Variants in UBE2G1 observed in about 807,000 individuals in gnomAD.
The protein encoded by UBE2G1 is ubiquitin conjugating enzyme E2 G1.
A neutral mutation model predicts 22.7 loss-of-function variants in UBE2G1; 5 were observed. The ratio of observed to expected loss-of-function variants is 0.22; its 90% CI spans 0.12 to 0.46. The LOEUF is 0.46. UBE2G1 is among the 20% of genes least tolerant of loss of function. The pLI, the probability that UBE2G1 is intolerant of heterozygous loss-of-function variation, is 0.99. For missense variants in UBE2G1, 88 were observed against 203.9 expected, an observed-to-expected ratio of 0.43 and a Z score of 3.46; for synonymous variants, 74 against 67.5, an observed-to-expected ratio of 1.10 and a Z score of -0.47.
At chr17:4,326,582 G>A (rs1969505925) in intron 1 of UBE2G1, among the ~76,000 whole-genome samples, 1 of 152,140 alleles carries the variant, frequency 6.6e-6, no homozygotes, top group South Asian at 2.1e-4. Flanking sequence ...TTCACTTCTG[G>A]TTATATATGC....
intron 2 of UBE2G1, 119 bp downstream of exon 2, chr17:4,306,902 G>A: frequency 1.2e-5 from 9 of 779,062 alleles, no homozygotes; most frequent in Non-Finnish European, 2.0e-6. Flanking sequence ...GGCCCGCCTT[G>A]GCCTCCCAAA....
At position 4,366,375 on chromosome 17, in the gene UBE2G1, T is replaced by G; in HGVS notation, c.-59A>C. On this transcript the variant is annotated 5_prime_UTR_variant, in exon 1 of 6. Coordinates refer to ENST00000396981, the MANE Select transcript of UBE2G1 (RefSeq NM_003342.5). ...CTTCCGAAGGGCTGGGGACAGGCTCTGGGGGCGGCTGGAGCGGGGTGTGCC... is the reference window on the plus strand; with the variant it reads ...CTTCCGAAGGGCTGGGGACAGGCTCGGGGGGCGGCTGGAGCGGGGTGTGCC... 1 of 1,423,574 alleles carries G rather than the reference T, an allele frequency of 7.0e-7. No homozygotes were observed. The highest frequency in any genetic ancestry group is 9.2e-7 in the Non-Finnish European group (1 of 1,092,788). 88.2% of individuals were successfully genotyped at this position (1,423,574 alleles called of 1,614,324 possible).
At chr17:4,333,791 C>G (rs1391719127) in intron 1 of UBE2G1, among the ~76,000 whole-genome samples, 1 of 152,038 alleles carries the variant, frequency 6.6e-6, no homozygotes, top group Non-Finnish European at 1.5e-5. Context: ...TGCACTCCAG[C>G]CTGGGTGACA....
intron 1 of UBE2G1, among the ~76,000 whole-genome samples, chr17:4,314,945 C>CT (rs1369295686): frequency 6.6e-6 from 1 of 152,176 alleles, no homozygotes; most frequent in Non-Finnish European, 1.5e-5. Context: ...TGAATTCAAA[C>CT]TTTTTTTAAA....
intron 3 of UBE2G1, among the ~76,000 whole-genome samples, chr17:4,296,144 T>C (rs573123391): frequency 2.6e-5 from 4 of 152,144 alleles, no homozygotes; most frequent in African/African-American, 7.2e-5. Flanking sequence ...CCCTCAATTA[T>C]AGGAGTTCTA....
At chr17:4,354,387 A>T (rs2143821924) in intron 1 of UBE2G1, among the ~76,000 whole-genome samples, 1 of 152,318 alleles carries the variant, frequency 6.6e-6, no homozygotes, top group African/African-American at 2.4e-5. Flanking sequence ...ACAGCATTAG[A>T]TCTGCATAAA....
At chr17:4,361,991 G>A (rs1597269736) in intron 1 of UBE2G1, among the ~76,000 whole-genome samples, 1 of 143,062 alleles carries the variant, frequency 7.0e-6, no homozygotes, top group African/African-American at 2.6e-5. Context: ...AGACATATTT[G>A]TCAATGATGG....
intron 3 of UBE2G1, among the ~76,000 whole-genome samples, chr17:4,294,195 CACATGAGG>C (rs1969077229): frequency 6.6e-6 from 1 of 152,106 alleles, no homozygotes; most frequent in Non-Finnish European, 1.5e-5. Flanking sequence ...GCAGACAGAT[CACATGAGG>C]TCAGGAGTTC....
At chr17:4,291,345 C>G (rs1228919726) in intron 3 of UBE2G1, among the ~76,000 whole-genome samples, 3 of 104,736 alleles carry the variant, frequency 2.9e-5, no homozygotes, top group Non-Finnish European at 5.3e-5. Flanking sequence ...GGGCAACGGG[C>G]GAAACTCCAT....
At chr17:4,283,668 A>G (rs1968923918) in intron 4 of UBE2G1, among the ~76,000 whole-genome samples, 1 of 152,200 alleles carries the variant, frequency 6.6e-6, no homozygotes, top group Non-Finnish European at 1.5e-5. Context: ...TATGACAATT[A>G]TCACTGTCAC....
chr17:4,365,362 G>A (rs1295377062), intron 1 of UBE2G1, among the ~76,000 whole-genome samples: 8 of 152,158 alleles, frequency 5.3e-5, no homozygotes, highest in Non-Finnish European at 1.2e-4. Context: ...CGCATGCTCC[G>A]CGCACACAGT....
intron 2 of UBE2G1, chr17:4,301,515 G>C: frequency 9.4e-7 from 1 of 1,067,172 alleles, no homozygotes; most frequent in Non-Finnish European, 1.5e-6. Flanking sequence ...GAACAGGCAG[G>C]TGAACACCAT....
At chr17:4,283,240 C>T (rs954539170) in intron 4 of UBE2G1, among the ~76,000 whole-genome samples, 4 of 152,228 alleles carry the variant, frequency 2.6e-5, no homozygotes, top group African/African-American at 7.2e-5. Flanking sequence ...AGGCCAGGGG[C>T]CGTGGCGCAC....
At chr17:4,349,219 C>T (rs1195742930) in intron 1 of UBE2G1, among the ~76,000 whole-genome samples, 2 of 152,096 alleles carry the variant, frequency 1.3e-5, no homozygotes, top group African/African-American at 4.8e-5. Flanking sequence ...ACTCAGGATG[C>T]TGAGGCAGGA....
intron 1 of UBE2G1, among the ~76,000 whole-genome samples, chr17:4,321,312 C>A (rs1969434575): frequency 6.6e-6 from 1 of 151,824 alleles, no homozygotes; most frequent in Admixed American, 6.6e-5. Flanking sequence ...CTGTAGGCAA[C>A]TATTTCCCTA....
intron 2 of UBE2G1, 149 bp downstream of exon 2, chr17:4,306,872 G>A (rs548392239): frequency 2.8e-5 from 15 of 538,766 alleles, no homozygotes; most frequent in African/African-American, 7.8e-5. Context: ...GGCTGGTCTC[G>A]AACTCCTGAC....
At chr17:4,285,196 G>A (rs1968948121) in intron 4 of UBE2G1, among the ~76,000 whole-genome samples, 1 of 151,792 alleles carries the variant, frequency 6.6e-6, no homozygotes, top group Non-Finnish European at 1.5e-5. Flanking sequence ...TAAAATTAAA[G>A]CAAATTTTAA....
rs528830286 is a variant in UBE2G1, at chr17:4,362,045, T to C, written c.46+4226A>G. Among the ~76,000 whole-genome samples the C allele has an allele frequency of 1.8e-4, 28 of 152,080 alleles. 1 individual carries two copies. The East Asian group carries it at 4.1e-3, about 22-fold the overall frequency. ...ACTTATGGCCAGGGTGAAAAGACTA[T>C]GTTTTTTTGTACTCTTTGCATTTTT... On this transcript the variant is annotated intron_variant, in intron 1 of 5. Coordinates refer to ENST00000396981, the MANE Select transcript of UBE2G1 (RefSeq NM_003342.5).
chr17:4,319,311 A>C (rs1419327430), intron 1 of UBE2G1, among the ~76,000 whole-genome samples: 1 of 152,236 alleles, frequency 6.6e-6, no homozygotes, highest in Non-Finnish European at 1.5e-5. Context: ...AGGAAGGGAA[A>C]AAACAAGTCC....
Sources: allele counts gnomAD v4.1 joint callset (sites outside exome capture counted in the v4.1 genomes callset), GRCh38; gene constraint gnomAD v4.1.1; transcripts MANE v1.5; gene names NCBI Gene and HGNC (gene_info 2026-07-23, HGNC 2026-07-21).